The following CPD variants were observed in gnomAD, a reference collection of about 807,000 sequenced individuals.
CPD encodes carboxypeptidase D, also known as metallocarboxypeptidase D.
Under a neutral mutation model 138.3 loss-of-function variants are expected in CPD, and 69 were observed. The ratio of observed to expected loss-of-function variants is 0.50; its 90% confidence interval spans 0.41 to 0.61. The LOEUF (loss-of-function observed/expected upper bound fraction) is 0.61. Among genes scored for constraint, CPD ranks in the 20% least tolerant of loss-of-function variants. The pLI is 0.00. For synonymous variants in CPD, 651 were observed against 642.1 expected (o/e 1.01, Z -0.21); for missense variants, 1,432 against 1,733.3 (o/e 0.83, Z 3.09).
chr17:30,449,477 AT>A (rs1261955810), intron 12 of CPD, 75 bp from the exon 13 acceptor site: 2 of 1,313,202 alleles, frequency 1.5e-6, no homozygotes, highest in East Asian at 2.7e-5. Flanking sequence ...TTTCATTTCT[AT>A]TTTTAAAGTC....
rs1393015105 is a variant in CPD at position 30,385,526 on chromosome 17, AC to A, written c.994+291del. On this transcript the variant is annotated intron_variant, in intron 2 of 20. Transcript: ENST00000225719. ...CATGCACACACACACACACACACAC[AC>A]ACACAATCACACAATTTTTTTGCCA... Among the ~76,000 whole-genome samples, 4 of 144,450 alleles carry A rather than the reference AC, an allele frequency of 2.8e-5. No individual in the cohort carries two copies. The East Asian group carries it at 7.9e-4, about 28-fold the overall frequency. The allele number at this position is 144,450 out of a possible 152,430, so 94.8% of individuals were successfully genotyped here.
At chr17:30,410,062 G>C (rs1406337256) in intron 2 of CPD, among the ~76,000 whole-genome samples, 1 of 152,080 alleles carries the variant, frequency 6.6e-6, no homozygotes, top group Non-Finnish European at 1.5e-5. Context: ...TTGTGTATTT[G>C]ATCTCATTGG....
At chr17:30,412,198 A>G (rs1911985446) in intron 2 of CPD, among the ~76,000 whole-genome samples, 1 of 150,750 alleles carries the variant, frequency 6.6e-6, no homozygotes, top group African/African-American at 2.5e-5. Context: ...GCTGCAGAAC[A>G]GCAAATATTG....
intron 2 of CPD, among the ~76,000 whole-genome samples, chr17:30,402,214 A>C (rs1344318427): frequency 6.6e-6 from 1 of 152,048 alleles, no homozygotes; most frequent in African/African-American, 2.4e-5. Flanking sequence ...TGAAATTTCT[A>C]CTTTTTTCTA....
intron 17 of CPD, among the ~76,000 whole-genome samples, chr17:30,458,883 A>G (rs949644410): frequency 6.6e-6 from 1 of 151,854 alleles, no homozygotes; most frequent in Non-Finnish European, 1.5e-5. Flanking sequence ...AAAAAAAGAA[A>G]AAAAAGAGTT....
intron 1 of CPD, among the ~76,000 whole-genome samples, chr17:30,384,576 G>A (rs1390175888): frequency 6.6e-6 from 1 of 152,112 alleles, no homozygotes; most frequent in African/African-American, 2.4e-5. Flanking sequence ...CTGGCAACAT[G>A]GCGAGACCCC....
At chr17:30,426,283 G>A (rs1368762659) in intron 6 of CPD, among the ~76,000 whole-genome samples, 1 of 152,040 alleles carries the variant, frequency 6.6e-6, no homozygotes, top group East Asian at 1.9e-4. Flanking sequence ...TGAGACCATG[G>A]TATCGCAGTA....
intron 3 of CPD, among the ~76,000 whole-genome samples, chr17:30,421,335 G>A (rs1316307796): frequency 5.3e-5 from 8 of 152,028 alleles, no homozygotes; most frequent in Non-Finnish European, 8.8e-5. Flanking sequence ...ATGAACCATA[G>A]ACATCAGTTT....
At chr17:30,454,156 C>T (rs1913233429) in intron 14 of CPD, 1 of 152,232 alleles carries the variant, frequency 6.6e-6, no homozygotes, top group Admixed American at 6.5e-5. Flanking sequence ...TTGAATTTCT[C>T]CCCAGAAAAT....
At chr17:30,401,462 C>CTCG (rs1911669835) in intron 2 of CPD, among the ~76,000 whole-genome samples, 1 of 142,834 alleles carries the variant, frequency 7.0e-6, no homozygotes, top group African/African-American at 2.6e-5. Context: ...CTTCTTCTTC[C>CTCG]TCTTCTTCTT....
chr17:30,409,860 G>A lies in CPD; in HGVS notation c.995-10981G>A, dbSNP rs909574773. 5.3e-5 allele frequency among the ~76,000 whole-genome samples: 8 copies of A among 152,024 alleles called. 1 individual carries two copies. The highest frequency in any genetic ancestry group is 8.8e-5 in the Non-Finnish European group (6 of 68,014). ...GTTTTTTATGTCTCTATCTCCTTCA[G>A]TTCTGCTCTGATTTTAGTTATTTCT... On this transcript the variant is annotated intron_variant, in intron 2 of 20. Coordinates refer to ENST00000225719, the MANE Select transcript of CPD (RefSeq NM_001304.5).
At chr17:30,414,489 A>G (rs1467285851) in intron 2 of CPD, among the ~76,000 whole-genome samples, 1 of 152,116 alleles carries the variant, frequency 6.6e-6, no homozygotes, top group Non-Finnish European at 1.5e-5. Flanking sequence ...AAGCTGAGGC[A>G]GGAGAATGGC....
chr17:30,438,804 A>G (rs1912771233), intron 8 of CPD, among the ~76,000 whole-genome samples, 171 bp from the exon 9 acceptor site: 1 of 152,160 alleles, frequency 6.6e-6, no homozygotes, highest in Admixed American at 6.6e-5. Context: ...AAAATGGCAT[A>G]AAAAGCTATA....
intron 2 of CPD, among the ~76,000 whole-genome samples, chr17:30,399,399 GAGA>G (rs1397122011): frequency 6.6e-6 from 1 of 152,080 alleles, no homozygotes; most frequent in African/African-American, 2.4e-5. Context: ...TGATTACTGA[GAGA>G]AGAATGTTGA....
intron 5 of CPD, 118 bp downstream of exon 5, chr17:30,423,141 T>A: frequency 1.4e-6 from 1 of 730,522 alleles, no homozygotes; most frequent in Non-Finnish European, 2.1e-6. Context: ...TAAGAAAACC[T>A]AACTAAAATT....
At chr17:30,421,083 A>G (rs1167020129) in intron 3 of CPD, 100 bp downstream of exon 3, 1 of 842,722 alleles carries the variant, frequency 1.2e-6, no homozygotes, top group South Asian at 2.6e-5. Flanking sequence ...ATTAGATGTC[A>G]TTTATCTCTT....
rs1226683824 is a variant in CPD, at chr17:30,385,227, G to C, written c.985G>C (p.Asp329His). 6.2e-7 allele frequency: 1 copy of C among 1,613,966 alleles called. No homozygotes were observed. Among genetic ancestry groups the C allele is most frequent in the African/African-American group, 1.3e-5 (1 of 75,022 alleles). ...DGITNGAHWY[D>H]VEGGMQDYNY... is the part of the protein sequence containing the mutation. ...AATCACAAACGGCGCACATTGGTAT[G>C]ATGTGGAAGGTATGCAAAGCATTGA... Residue 329 changes from aspartate (D) to histidine (H), a missense_variant, in exon 2 of 21, where the codon GAT (aspartate) becomes CAT (histidine). Asp to His is a moderately conservative substitution (Grantham distance 81, BLOSUM62 -1). Coordinates refer to ENST00000225719, the MANE Select transcript of CPD (RefSeq NM_001304.5).
At chr17:30,401,244 GCTTCTTCTC>G (rs991890189) in intron 2 of CPD, among the ~76,000 whole-genome samples, 19 of 121,154 alleles carry the variant, frequency 1.6e-4, no homozygotes, top group Admixed American at 2.6e-4. Context: ...TTCTGCTGCT[GCTTCTTCTC>G]CTTCTCCTTC....
Position 30,379,503 on chromosome 17 carries a change from G to A in CPD, c.523G>A (p.Asp175Asn). 6.4e-7 allele frequency: 1 copy of A among 1,571,524 alleles called. No homozygotes were observed. The highest frequency in any genetic ancestry group is 8.6e-7 in the Non-Finnish European group (1 of 1,163,732). Residue 175 changes from aspartate (D) to asparagine (N), a missense_variant, in exon 1 of 21, where the codon GAC becomes AAC. By Grantham distance (23) the Asp-to-Asn change is conservative. Around this residue, in one of 6 missense-constraint regions of CPD, gnomAD observed 484 missense variants for 477.2 expected, o/e 1.01. Transcript: ENST00000225719. This position sits in a 1 kb window ranked among gnomAD's most constrained non-coding sequence, Gnocchi z 7.0. ...PRLVRLLNTT[D>N]VYLLPSLNPD... ...CCTGGTCCGCCTGCTCAACACCACC[G>A]ACGTGTACCTGCTGCCCAGCCTCAA...
Sources: gnomAD v4.1 joint callset for allele counts (sites outside exome capture counted in the v4.1 genomes callset) on GRCh38, gnomAD v4.1.1 for gene constraint, gnomAD v4.1.1 regional missense constraint, Gnocchi (gnomAD v3.1) non-coding constraint, MANE v1.5 for transcripts, NCBI Gene and HGNC (gene_info 2026-07-23, HGNC 2026-07-21) for gene names.